The following GCNT2 variants were observed in gnomAD, a reference collection of about 807,000 sequenced individuals.
The protein encoded by GCNT2 is glucosaminyl (N-acetyl) transferase 2 (I blood group), also known as N-acetyllactosaminide beta-1,6-N-acetylglucosaminyl-transferase.
In GCNT2, 34 loss-of-function variants were observed where a neutral mutation model predicts 34.2. The ratio of observed to expected loss-of-function variants is 1.00; its 90% CI spans 0.76 to 1.32. The LOEUF (loss-of-function observed/expected upper bound fraction) is 1.32. GCNT2 is among the 40% of genes most tolerant of loss of function. The probability of loss-of-function intolerance (pLI) is 0.00; values close to 1 mark genes in which losing one functional copy is unlikely to be tolerated. For synonymous variants in GCNT2, 212 were observed against 188.0 expected, an observed-to-expected ratio of 1.13 and a Z score of -1.04; for missense variants, 584 against 489.4, an observed-to-expected ratio of 1.19 and a Z score of -1.82.
At chr6:10,617,385 G>A (rs904470856) in intron 3 of GCNT2, among the ~76,000 whole-genome samples, 13 of 152,148 alleles carry the variant, frequency 8.5e-5, no homozygotes, top group South Asian at 2.1e-4. Context: ...CCTGGTTCCC[G>A]CCGGCGCCTC....
At chr6:10,562,679 A>AC (rs1763056757) in intron 3 of GCNT2, among the ~76,000 whole-genome samples, 3 of 139,520 alleles carry the variant, frequency 2.2e-5, no homozygotes, top group African/African-American at 8.0e-5. Flanking sequence ...AAAAAAAAAC[A>AC]AAAAAAAACC....
chr6:10,609,182 A>G (rs939997706), intron 3 of GCNT2, among the ~76,000 whole-genome samples: 2 of 152,158 alleles, frequency 1.3e-5, no homozygotes, highest in African/African-American at 4.8e-5. Context: ...AATCCCTGAG[A>G]CTGGGTAATT....
chr6:10,527,785 C>T (rs1422606791), intron 2 of GCNT2, 125 bp downstream of exon 2: 1 of 152,142 alleles, frequency 6.6e-6, no homozygotes, highest in Non-Finnish European at 1.5e-5. Context: ...CAATCTGTTC[C>T]TGGACACGGC....
intron 3 of GCNT2, among the ~76,000 whole-genome samples, chr6:10,607,616 C>T (rs960983101): frequency 1.3e-5 from 2 of 152,066 alleles, no homozygotes; most frequent in Non-Finnish European, 1.5e-5. Flanking sequence ...AAGAGTTTGT[C>T]ACCATAATTT....
chr6:10,595,394 C>T (rs1296676051), intron 3 of GCNT2, among the ~76,000 whole-genome samples: 2 of 152,066 alleles, frequency 1.3e-5, no homozygotes, highest in Non-Finnish European at 2.9e-5. Context: ...TCTCCTGCCT[C>T]AGCCTCCCAA....
At chr6:10,526,354 T>C (rs1761185275) in intron 1 of GCNT2, among the ~76,000 whole-genome samples, 1 of 152,176 alleles carries the variant, frequency 6.6e-6, no homozygotes, top group Non-Finnish European at 1.5e-5. Context: ...TTTCTTGTCA[T>C]CATTTCCTGT....
chr6:10,596,753 G>A (rs1262609703), intron 3 of GCNT2, among the ~76,000 whole-genome samples: 1 of 151,316 alleles, frequency 6.6e-6, no homozygotes, highest in African/African-American at 2.4e-5. Context: ...AAAAGACAAT[G>A]AGTCCAAAGT....
rs913050716 is a variant in GCNT2 at position 10,556,593 on chromosome 6, G to A, written c.925+26757G>A. The stretch of plus-strand genomic sequence containing the variant: ...ACATCTTTTATCAATGGAAAAACAC[G>A]TTTCCTGTGGAAAAACAAACTAATG... On this transcript the variant is annotated intron_variant, in intron 3 of 4. Coordinates refer to ENST00000495262, the MANE Select transcript of GCNT2 (RefSeq NM_145649.5). 6 of 1,614,154 alleles carry A rather than the reference G, an allele frequency of 3.7e-6. No homozygotes were observed. In the Admixed American group the frequency reaches 8.3e-5, roughly 22 times the overall value.
chr6:10,541,999 C>T (rs918020918), intron 3 of GCNT2, among the ~76,000 whole-genome samples: 4 of 152,094 alleles, frequency 2.6e-5, no homozygotes, highest in African/African-American at 9.7e-5. Flanking sequence ...TCTTTGCGAG[C>T]CTCAACCAAC....
chr6:10,541,487 T>G (rs1762035658), intron 3 of GCNT2, among the ~76,000 whole-genome samples: 1 of 152,226 alleles, frequency 6.6e-6, no homozygotes, highest in South Asian at 2.1e-4. Context: ...CGTGCATGTA[T>G]CTTTATGACA....
chr6:10,535,846 C>G (rs145692184), intron 3 of GCNT2, among the ~76,000 whole-genome samples: 234 of 152,148 alleles, frequency 1.5e-3, no homozygotes, highest in African/African-American at 5.3e-3. Flanking sequence ...ATTGAGGGCC[C>G]GAAAGACAGA....
intron 1 of GCNT2, among the ~76,000 whole-genome samples, chr6:10,523,706 C>T (rs919280727): frequency 1.8e-4 from 27 of 152,100 alleles, no homozygotes; most frequent in Non-Finnish European, 3.7e-4. Flanking sequence ...GGCGCTGTGG[C>T]TCATGCCTGT....
chr6:10,576,852 T>G (rs1581432835), intron 3 of GCNT2, among the ~76,000 whole-genome samples: 1 of 152,106 alleles, frequency 6.6e-6, no homozygotes, highest in African/African-American at 2.4e-5. Flanking sequence ...GGCTGGAGGA[T>G]CACTTGAGGC....
chr6:10,582,497 TAA>T (rs1491395417), intron 3 of GCNT2, among the ~76,000 whole-genome samples: 10 of 106,782 alleles, frequency 9.4e-5, no homozygotes, highest in African/African-American at 3.7e-4. Context: ...CTATAATATA[TAA>T]TATAATACAT....
chr6:10,532,038 C>T (rs917109233), intron 3 of GCNT2, among the ~76,000 whole-genome samples: 3 of 152,012 alleles, frequency 2.0e-5, no homozygotes, highest in African/African-American at 7.2e-5. Flanking sequence ...CTAGGGCCAG[C>T]GGGTGGGAGA....
intron 3 of GCNT2, among the ~76,000 whole-genome samples, chr6:10,566,313 T>C (rs1330579706): frequency 6.6e-6 from 1 of 152,202 alleles, no homozygotes; most frequent in Non-Finnish European, 1.5e-5. Flanking sequence ...AAAAAATTTT[T>C]AGGAGACAAG....
chr6:10,544,026 T>C (rs756089867), intron 3 of GCNT2, among the ~76,000 whole-genome samples: 3 of 152,002 alleles, frequency 2.0e-5, no homozygotes, highest in Non-Finnish European at 4.4e-5. Context: ...AAAAAATAAA[T>C]AAATGGGCCA....
chr6:10,559,632 A>T (rs1488968377), intron 3 of GCNT2, among the ~76,000 whole-genome samples: 2 of 152,260 alleles, frequency 1.3e-5, no homozygotes, highest in African/African-American at 4.8e-5. Flanking sequence ...AGCCTGGATC[A>T]TGTACTGCCC....
At chr6:10,556,978 T>C (rs758212318) in intron 3 of GCNT2, 2 of 1,613,972 alleles carry the variant, frequency 1.2e-6, no homozygotes. Flanking sequence ...GGAAGTACGT[T>C]ATCAACACCT....
Sources: gnomAD v4.1 joint callset for allele counts (sites outside exome capture counted in the v4.1 genomes callset) on GRCh38, gnomAD v4.1.1 for gene constraint, MANE v1.5 for transcripts, NCBI Gene and HGNC (gene_info 2026-07-23, HGNC 2026-07-21) for gene names.